SERPINA5: variants seen among roughly 807,000 people sequenced by gnomAD.
SERPINA5 encodes serpin family A member 5.
In SERPINA5, 25 loss-of-function variants were observed where a neutral mutation model predicts 25.3. The observed-to-expected ratio is 0.99, with a 90% CI of 0.72 to 1.38. The LOEUF (loss-of-function observed/expected upper bound fraction) is 1.38, where lower values mean the gene tolerates loss of function less well. Among genes scored for constraint, SERPINA5 ranks in the 40% most tolerant of loss-of-function variants. The pLI, the probability that SERPINA5 is intolerant of heterozygous loss-of-function variation, is 0.00. For synonymous variants in SERPINA5, 234 were observed against 206.2 expected (o/e 1.14, Z -1.16); for missense variants, 599 against 509.5 (o/e 1.18, Z -1.69).
chr14:94,589,746 A>G (rs1368932110), intron 3 of SERPINA5, among the ~76,000 whole-genome samples: 4 of 152,212 alleles, frequency 2.6e-5, no homozygotes. Context: ...GGTCTTGAGT[A>G]AAACGTTAGA....
chr14:94,585,166 C>T (rs868493549), intron 2 of SERPINA5, among the ~76,000 whole-genome samples: 22 of 152,286 alleles, frequency 1.4e-4, no homozygotes, highest in East Asian at 7.7e-4. Flanking sequence ...TGTTAGCAAG[C>T]GACTCCATCT....
intron 2 of SERPINA5, among the ~76,000 whole-genome samples, chr14:94,584,720 T>A (rs766647505): frequency 2.2e-4 from 33 of 152,144 alleles, no homozygotes; most frequent in Non-Finnish European, 4.1e-4. Flanking sequence ...CTGGGCTGTA[T>A]CCAATAAGGA....
Position 94,587,435 on chromosome 14 carries a change from C to G in SERPINA5, c.73C>G (p.Arg25Gly), listed in dbSNP as rs147082271. 9 of 1,614,142 alleles carry G rather than the reference C, an allele frequency of 5.6e-6. No homozygotes were observed. Among genetic ancestry groups the G allele is most frequent in the Admixed American group, 1.7e-5 (1 of 60,016 alleles). ...QGASLHRHHP[R>G]EMKKRVEDLH... ...GGCCTCCCTTCACCGCCACCACCCC[C>G]GGGAGATGAAGAAGAGAGTCGAGGA... The change falls in exon 3 of 6, where the codon CGG becomes GGG. Residue 25 changes from arginine to glycine, a missense_variant. Arg to Gly is a moderately radical substitution (Grantham distance 125, BLOSUM62 -2). Coordinates refer to ENST00000329597, the MANE Select transcript of SERPINA5 (RefSeq NM_000624.6).
intron 2 of SERPINA5, among the ~76,000 whole-genome samples, chr14:94,582,844 T>C (rs1342747065): frequency 6.6e-6 from 1 of 152,212 alleles, no homozygotes; most frequent in African/African-American, 2.4e-5. Flanking sequence ...GTCAAGGGAC[T>C]GTTCCAGAGA....
At chr14:94,588,414 C>T (rs1436202359) in intron 3 of SERPINA5, among the ~76,000 whole-genome samples, 1 of 152,166 alleles carries the variant, frequency 6.6e-6, no homozygotes, top group Non-Finnish European at 1.5e-5. Context: ...TCATAGAGGC[C>T]AAGACTCCCT....
intron 2 of SERPINA5, among the ~76,000 whole-genome samples, chr14:94,583,489 C>T (rs991195605): frequency 1.3e-5 from 2 of 152,178 alleles, no homozygotes; most frequent in African/African-American, 4.8e-5. Context: ...GACTTTGTCT[C>T]TCATCTCTGC....
rs1885328704 is a variant in SERPINA5, at chr14:94,592,167, G to A, written c.1149G>A (p.Val383=). ...RSARLNSQRL[V]FNRPFLMFIV... ...CCCGCCTGAACTCTCAGAGGCTAGT[G>A]TTCAACAGGCCCTTTCTGATGTTCA... is the stretch of plus-strand genomic sequence containing the variant. Residue 383 remains valine, a synonymous_variant, in exon 6 of 6, where the codon GTG becomes GTA. Coordinates refer to ENST00000329597, the MANE Select transcript of SERPINA5 (RefSeq NM_000624.6). 6.2e-7 allele frequency: 1 copy of A among 1,614,064 alleles called. No homozygotes were observed. Among genetic ancestry groups the A allele is most frequent in the African/African-American group, 1.3e-5 (1 of 74,928 alleles).
At chr14:94,585,899 A>G (rs1429842369) in intron 2 of SERPINA5, among the ~76,000 whole-genome samples, 1 of 152,096 alleles carries the variant, frequency 6.6e-6, no homozygotes, top group Non-Finnish European at 1.5e-5. Context: ...CTTCCATAGC[A>G]CGTGCCCCCA....
Position 94,590,172 on chromosome 14 carries a change from T to G in SERPINA5, c.751T>G (p.Ser251Ala), listed in dbSNP as rs1175616656. Reference protein sequence around the residue: ...QYHYLLDRNLSCRVVGVPYQG... With the variant: ...QYHYLLDRNLACRVVGVPYQG... ...TCACTACCTCCTGGACCGGAACCTC[T>G]CCTGCAGGGTGGTGGGGGTCCCCTA... Residue 251 changes from serine (S) to alanine (A), a missense_variant, in exon 4 of 6, where the codon TCC (serine) becomes GCC (alanine). Transcript: ENST00000329597. 9 of 1,613,932 alleles carry G rather than the reference T, an allele frequency of 5.6e-6. No individual in the cohort carries two copies. The highest frequency in any genetic ancestry group is 7.6e-6 in the Non-Finnish European group (9 of 1,179,996).
rs746169367 is a variant in SERPINA5 at position 94,584,533 on chromosome 14, G to A, written c.-17-2813G>A. On this transcript the variant is annotated intron_variant, in intron 2 of 5. Transcript: ENST00000329597. ...CCCGGAGAAGCAGCTCCTCCCCATC[G>A]GATCTCTAGTGCTTGGCAGGGGGCG... Among the ~76,000 whole-genome samples, 4 of 152,034 alleles carry A rather than the reference G, an allele frequency of 2.6e-5. No individual in the cohort carries two copies. The East Asian group carries it at 5.8e-4, about 22-fold the overall frequency.
chr14:94,589,047 C>T (rs887286860), intron 3 of SERPINA5, among the ~76,000 whole-genome samples: 1 of 152,222 alleles, frequency 6.6e-6, no homozygotes, highest in Non-Finnish European at 1.5e-5. Flanking sequence ...CTGAGATTTC[C>T]TATCCCCTGG....
rs779862543 is a variant in SERPINA5 at position 94,587,627 on chromosome 14, A to G, written c.265A>G (p.Met89Val). 1 of 1,614,130 alleles carries G rather than the reference A, an allele frequency of 6.2e-7. No homozygotes were observed. The highest frequency in any genetic ancestry group is 1.7e-5 in the Admixed American group (1 of 60,016). ...CCTGGGGGCTGGGTCCAGCACAAAG[A>G]TGCAGATCCTGGAGGGCCTGGGCCT... is the stretch of plus-strand genomic sequence containing the variant. ...LSLGAGSSTKMQILEGLGLNL... is the reference protein window; with the variant it reads ...LSLGAGSSTKVQILEGLGLNL... Residue 89 changes from methionine to valine, a missense_variant, in exon 3 of 6, where the codon ATG (methionine) becomes GTG (valine). Coordinates refer to ENST00000329597, the MANE Select transcript of SERPINA5 (RefSeq NM_000624.6).
intron 2 of SERPINA5, among the ~76,000 whole-genome samples, chr14:94,584,378 G>T (rs1268905140): frequency 6.6e-6 from 1 of 152,112 alleles, no homozygotes; most frequent in African/African-American, 2.4e-5. Flanking sequence ...ATAATTAGTG[G>T]TTTTACTGAA....
rs1885254144 is a variant in SERPINA5 at position 94,590,851 on chromosome 14, T to C, written c.993T>C (p.Ala331=). ...LGISNVFTSH[A]DLSGISNHSN... The stretch of plus-strand genomic sequence containing the variant: ...TCAGTAACGTCTTCACCTCCCATGC[T>C]GATCTGTCCGGCATCAGCAACCACT... The change falls in exon 5 of 6, where the codon GCT becomes GCC. Residue 331 remains alanine, a synonymous_variant. Transcript: ENST00000329597. The C allele has an allele frequency of 3.7e-6, 6 of 1,613,896 alleles. No homozygotes were observed. Among genetic ancestry groups the C allele is most frequent in the Non-Finnish European group, 5.1e-6 (6 of 1,179,950 alleles).
rs374829634 is a variant in SERPINA5, at chr14:94,590,144, G to C, written c.723G>C (p.Gln241His). The C allele has an allele frequency of 1.4e-5, 22 of 1,614,076 alleles. No homozygotes were observed. The highest frequency in any genetic ancestry group is 1.9e-5 in the Non-Finnish European group (22 of 1,180,032). The change falls in exon 4 of 6, where the codon CAG becomes CAC. Residue 241 changes from glutamine to histidine, a missense_variant. Physicochemically the swap from Gln to His is conservative, Grantham distance 24. Coordinates refer to ENST00000329597, the MANE Select transcript of SERPINA5 (RefSeq NM_000624.6). Reference sequence around the variant, plus strand: ...TACCCATGATGAGCCGCGAGGATCAGTATCACTACCTCCTGGACCGGAACC... The same window carrying C: ...TACCCATGATGAGCCGCGAGGATCACTATCACTACCTCCTGGACCGGAACC... ...VRVPMMSRED[Q>H]YHYLLDRNLS...
At chr14:94,587,275 G>A (rs543490686) in intron 2 of SERPINA5, 71 bp from the exon 3 acceptor site, 2 of 1,363,734 alleles carry the variant, frequency 1.5e-6, no homozygotes, top group Non-Finnish European at 9.9e-7. Flanking sequence ...GTGTTGGGTG[G>A]GGACATCTCT....
rs1885334537 is a variant in SERPINA5, at chr14:94,592,377, A to C, written c.*138A>C. On this transcript the variant is annotated 3_prime_UTR_variant, in exon 6 of 6. Coordinates refer to ENST00000329597, the MANE Select transcript of SERPINA5 (RefSeq NM_000624.6). Reference sequence around the variant, plus strand: ...GAGGCATTACAAATAATATTACTCTATGATGATTGCTTCCACCCACACGAC... The same window carrying C: ...GAGGCATTACAAATAATATTACTCTCTGATGATTGCTTCCACCCACACGAC... 3.6e-6 allele frequency: 3 copies of C among 837,028 alleles called. No homozygotes were observed. In the Admixed American group the frequency reaches 7.9e-5, roughly 22 times the overall value. 51.9% of individuals were successfully genotyped at this position (837,028 alleles called of 1,614,324 possible).
intron 5 of SERPINA5, among the ~76,000 whole-genome samples, chr14:94,591,554 A>ATTCTATTCTATTCTATTCTATTCTATTC: frequency 1.6e-5 from 2 of 123,264 alleles, no homozygotes; most frequent in East Asian, 5.4e-4. Flanking sequence ...GTTCTGTTCT[A>ATTCTATTCTATTCTATTCTATTCTATTC]TTCTATTCTA....
chr14:94,584,710 CT>C (rs1430494187), intron 2 of SERPINA5, among the ~76,000 whole-genome samples: 2 of 152,182 alleles, frequency 1.3e-5, no homozygotes, highest in Non-Finnish European at 2.9e-5. Flanking sequence ...TCAGCTGCCC[CT>C]GGGCTGTATC....
Sources: gnomAD v4.1 joint callset for allele counts (sites outside exome capture counted in the v4.1 genomes callset) on GRCh38, gnomAD v4.1.1 for gene constraint, MANE v1.5 for transcripts, NCBI Gene and HGNC (gene_info 2026-07-23, HGNC 2026-07-21) for gene names.